Variants in ZNF516 observed in about 807,000 individuals in gnomAD.
The protein encoded by ZNF516 is zinc finger protein 516.
In ZNF516, 19 loss-of-function variants were observed where a neutral mutation model predicts 79.7. The observed-to-expected ratio is 0.24, with a 90% confidence interval of 0.17 to 0.35. The LOEUF is 0.35. Ranked by LOEUF, ZNF516 falls within the 10% of genes least tolerant of loss-of-function variation. ZNF516 has a pLI of 1.00. For missense variants in ZNF516, 1,678 were observed against 1,679.5 expected (o/e 1.00, Z 0.02); for synonymous variants, 877 against 739.5 (o/e 1.19, Z -3.02).
At chr18:76,491,222 C>G (rs1472660425) in intron 1 of ZNF516, among the ~76,000 whole-genome samples, 2 of 149,900 alleles carry the variant, frequency 1.3e-5, no homozygotes, top group Non-Finnish European at 3.0e-5. Flanking sequence ...CCCCGCCTGC[C>G]CCGGCCCGGA....
chr18:76,445,545 CT>C (rs1911990931), intron 2 of ZNF516, among the ~76,000 whole-genome samples: 1 of 152,142 alleles, frequency 6.6e-6, no homozygotes, highest in South Asian at 2.1e-4. Context: ...AACTTAGTGA[CT>C]GGATGTGGTA....
At chr18:76,369,556 T>C (rs189155061) in intron 6 of ZNF516, among the ~76,000 whole-genome samples, 40 of 152,284 alleles carry the variant, frequency 2.6e-4, no homozygotes, top group African/African-American at 9.1e-4. Context: ...AGAAATAAAC[T>C]AGAACGATTC....
At chr18:76,391,345 C>T (rs1034727421) in intron 3 of ZNF516, among the ~76,000 whole-genome samples, 5 of 152,088 alleles carry the variant, frequency 3.3e-5, no homozygotes, top group Middle Eastern at 3.2e-3. Context: ...AACATGAACA[C>T]CTGATCCCAA....
At position 76,459,440 on chromosome 18, in the gene ZNF516, G is replaced by A. The variant is rs908386990; in HGVS notation, c.-158+3588C>T. On this transcript the variant is annotated intron_variant, in intron 2 of 6. Coordinates refer to ENST00000443185, the MANE Select transcript of ZNF516 (RefSeq NM_014643.4). The surrounding 1 kb of genome is among the most constrained non-coding windows in gnomAD (Gnocchi z 5.0). ...GAGAAAACTCTGGCCCTCCACTGCCGGCCAGGGAGGCCTCGCGTGCCAAGC... is the reference window on the plus strand; with the variant it reads ...GAGAAAACTCTGGCCCTCCACTGCCAGCCAGGGAGGCCTCGCGTGCCAAGC... Among the ~76,000 whole-genome samples, 6 of 152,200 alleles carry A rather than the reference G, an allele frequency of 3.9e-5. No homozygotes were observed. Among genetic ancestry groups the A allele is most frequent in the East Asian group, 3.9e-4 (2 of 5,186 alleles).
intron 2 of ZNF516, among the ~76,000 whole-genome samples, chr18:76,458,357 C>T (rs1912860933): frequency 6.6e-6 from 1 of 152,220 alleles, no homozygotes; most frequent in Admixed American, 6.5e-5. Context: ...CAAGTCCTCA[C>T]AAAAAGGTGC....
chr18:76,397,061 G>A (rs538608851), intron 3 of ZNF516, among the ~76,000 whole-genome samples: 16 of 152,264 alleles, frequency 1.1e-4, no homozygotes, highest in African/African-American at 3.1e-4. Flanking sequence ...CAGAAAAGCC[G>A]GGGGACACAT....
At chr18:76,381,465 C>A (rs2074891781) in intron 3 of ZNF516, among the ~76,000 whole-genome samples, 1 of 152,200 alleles carries the variant, frequency 6.6e-6, no homozygotes, top group Admixed American at 6.5e-5. Flanking sequence ...ATAAGATTTT[C>A]AGAGATTTTT....
At chr18:76,369,304 A>T (rs1391950203) in intron 6 of ZNF516, among the ~76,000 whole-genome samples, 1 of 152,236 alleles carries the variant, frequency 6.6e-6, no homozygotes, top group Non-Finnish European at 1.5e-5. Context: ...GGGTTTTATT[A>T]AGAAAGGCAG....
intron 3 of ZNF516, among the ~76,000 whole-genome samples, chr18:76,423,529 G>A (rs1051776578): frequency 6.7e-6 from 1 of 149,272 alleles, no homozygotes. Context: ...AACACACGCA[G>A]GTGAAAAGGC....
At chr18:76,433,465 T>C (rs1264542143) in intron 3 of ZNF516, among the ~76,000 whole-genome samples, 4 of 152,156 alleles carry the variant, frequency 2.6e-5, no homozygotes, top group African/African-American at 7.2e-5. Context: ...GAAAAGAATG[T>C]GTCCACGCAA....
At chr18:76,403,856 TG>T (rs977833409) in intron 3 of ZNF516, among the ~76,000 whole-genome samples, 22 of 152,314 alleles carry the variant, frequency 1.4e-4, no homozygotes, top group African/African-American at 5.3e-4. Flanking sequence ...CTGCCAGTAA[TG>T]AAATACTTAT....
chr18:76,443,159 C>A lies in ZNF516; in HGVS notation c.-105G>T. 6.9e-7 allele frequency: 1 copy of A among 1,443,224 alleles called. No homozygotes were observed. The highest frequency in any genetic ancestry group is 2.8e-5 in the Admixed American group (1 of 35,260). 89.4% of individuals were successfully genotyped at this position (1,443,224 alleles called of 1,614,324 possible). The stretch of plus-strand genomic sequence containing the variant: ...TCAGAAGAGCCAAAAGACGTGCCTG[C>A]TCCCAGGAGGTGCACCTTCTACATG... On this transcript the variant is annotated 5_prime_UTR_variant, in exon 3 of 7. Transcript: ENST00000443185.
chr18:76,370,556 T>C lies in ZNF516; in HGVS notation c.3404A>G (p.His1135Arg), dbSNP rs2144934003. The C allele has an allele frequency of 1.2e-6, 2 of 1,608,734 alleles. No homozygotes were observed. The highest frequency in any genetic ancestry group is 2.2e-5 in the East Asian group (1 of 44,748). Reference protein sequence around the residue: ...ESDGPRGSEVHTTSADAPKQG... With the variant: ...ESDGPRGSEVRTTSADAPKQG... ...TTTGGGGGCGTCTGCGGAGGTGGTA[T>C]GAACTTCAGAACCCCGAGGCCCATC... The change falls in exon 6 of 7, where the codon CAT (histidine) becomes CGT (arginine). Residue 1135 changes from histidine to arginine, a missense_variant. By Grantham distance (29) the His-to-Arg change is conservative (BLOSUM62 0). Transcript: ENST00000443185.
At chr18:76,460,217 G>A (rs895271513) in intron 2 of ZNF516, among the ~76,000 whole-genome samples, 2 of 152,132 alleles carry the variant, frequency 1.3e-5, no homozygotes, top group African/African-American at 4.8e-5. Context: ...AGGCACCTCT[G>A]CCTGCACTCA....
chr18:76,458,697 T>C (rs1260805486), intron 2 of ZNF516, among the ~76,000 whole-genome samples: 1 of 144,126 alleles, frequency 6.9e-6, no homozygotes, highest in African/African-American at 2.6e-5. Flanking sequence ...CACCGTCGTG[T>C]GTGCGTGCCT....
intron 3 of ZNF516, among the ~76,000 whole-genome samples, chr18:76,433,627 C>T (rs976495085): frequency 3.3e-5 from 5 of 152,150 alleles, no homozygotes; most frequent in African/African-American, 4.8e-5. Context: ...GGGGAGAAGA[C>T]GGGCAGGTGC....
intron 3 of ZNF516, among the ~76,000 whole-genome samples, chr18:76,391,056 G>A (rs2075065606): frequency 1.3e-5 from 2 of 152,104 alleles, no homozygotes; most frequent in Admixed American, 6.5e-5. Flanking sequence ...AAGGAACCCA[G>A]GCACAGCAGG....
At chr18:76,383,244 A>C (rs2145064262) in intron 3 of ZNF516, among the ~76,000 whole-genome samples, 1 of 152,288 alleles carries the variant, frequency 6.6e-6, no homozygotes, top group East Asian at 1.9e-4. Flanking sequence ...TGATGAGCAG[A>C]AAGACTGAAC....
At chr18:76,461,765 G>A (rs190902294) in intron 2 of ZNF516, among the ~76,000 whole-genome samples, 26 of 152,330 alleles carry the variant, frequency 1.7e-4, no homozygotes, top group Admixed American at 9.1e-4. Flanking sequence ...GACCGCACGG[G>A]AACCAGCTTG....
Sources: allele counts gnomAD v4.1 joint callset (sites outside exome capture counted in the v4.1 genomes callset), GRCh38; gene constraint gnomAD v4.1.1; non-coding constraint Gnocchi (gnomAD v3.1); transcripts MANE v1.5; gene names NCBI Gene and HGNC (gene_info 2026-07-23, HGNC 2026-07-21).